STXBP5L: variants seen among roughly 807,000 people sequenced by gnomAD.
The protein encoded by STXBP5L is syntaxin binding protein 5L.
In STXBP5L, 65 loss-of-function variants were observed where a neutral mutation model predicts 144.5. The observed-to-expected ratio is 0.45, with a 90% CI of 0.37 to 0.55. The LOEUF (loss-of-function observed/expected upper bound fraction) is 0.55, where lower values mean the gene tolerates loss of function less well. Among genes scored for constraint, STXBP5L ranks in the 20% least tolerant of loss-of-function variants. The probability of loss-of-function intolerance (pLI) is 0.00; values close to 1 mark genes in which losing one functional copy is unlikely to be tolerated. For missense variants in STXBP5L, 1,298 were observed against 1,405.5 expected (o/e 0.92, Z 1.22); for synonymous variants, 505 against 469.6 (o/e 1.08, Z -0.97).
intron 2 of STXBP5L, among the ~76,000 whole-genome samples, chr3:120,937,917 T>C (rs971228762): frequency 1.3e-5 from 2 of 152,156 alleles, no homozygotes; most frequent in Non-Finnish European, 2.9e-5. Context: ...GTTTAACCTT[T>C]TAATTATATT....
chr3:121,282,412 A>G (rs2051091582), intron 19 of STXBP5L: 4 of 1,418,346 alleles, frequency 2.8e-6, no homozygotes, highest in Admixed American at 1.9e-5. Context: ...ATCAGTGCTC[A>G]GTAATGTGTT....
rs949012207 is a variant in STXBP5L, at chr3:120,989,712, G to T, written c.287+34675G>T. 3.9e-5 allele frequency among the ~76,000 whole-genome samples: 6 copies of T among 152,154 alleles called. No individual in the cohort carries two copies. In the East Asian group the frequency reaches 7.7e-4, roughly 20 times the overall value. On this transcript the variant is annotated intron_variant, in intron 3 of 26. Coordinates refer to ENST00000471454, the MANE Select transcript of STXBP5L (RefSeq NM_001308330.2). ...TACGTATTTTGAGGCTGTGTGGTTTGGTTTGCACTCATTTAGGATTGTTAT... is the reference window on the plus strand; with the variant it reads ...TACGTATTTTGAGGCTGTGTGGTTTTGTTTGCACTCATTTAGGATTGTTAT...
At chr3:120,998,499 A>T (rs1011841619) in intron 3 of STXBP5L, among the ~76,000 whole-genome samples, 5 of 152,086 alleles carry the variant, frequency 3.3e-5, no homozygotes, top group African/African-American at 9.7e-5. Flanking sequence ...CATCATCTAC[A>T]TTAGGTATTT....
chr3:120,981,407 G>A (rs1436702302), intron 3 of STXBP5L, among the ~76,000 whole-genome samples: 1 of 151,222 alleles, frequency 6.6e-6, no homozygotes, highest in Non-Finnish European at 1.5e-5. Context: ...AATTTTTTTT[G>A]TCTAACTGGG....
In STXBP5L at chr3:121,422,119, A is replaced by G. The variant is rs999477011; in HGVS notation, c.*3022A>G. On this transcript the variant is annotated 3_prime_UTR_variant, in exon 27 of 27. Transcript: ENST00000471454. ...GCACGCACGCACACACACACACACCATCGCCACCACTACCATCATCATCTT... is the reference window on the plus strand; with the variant it reads ...GCACGCACGCACACACACACACACCGTCGCCACCACTACCATCATCATCTT... The G allele has an allele frequency of 6.6e-6, 1 of 152,216 alleles. No individual in the cohort carries two copies. The highest frequency in any genetic ancestry group is 2.4e-5 in the African/African-American group (1 of 41,390). The allele number at this position is 152,216 out of a possible 1,614,324, so 9.4% of individuals were successfully genotyped here.
chr3:121,168,738 G>C (rs2046591294), intron 9 of STXBP5L, among the ~76,000 whole-genome samples: 1 of 152,156 alleles, frequency 6.6e-6, no homozygotes, highest in Non-Finnish European at 1.5e-5. Context: ...AAGTGAAGGA[G>C]AGTATGGAAC....
chr3:121,008,928 T>A lies in STXBP5L; in HGVS notation c.288-32772T>A, dbSNP rs899092596. On this transcript the variant is annotated intron_variant, in intron 3 of 26. Transcript: ENST00000471454. ...AATAGTTTCTTACGGTTTAATATAA[T>A]CAATTTTTTTTTTTTACCAAGTGGG... Among the ~76,000 whole-genome samples, 3 of 132,854 alleles carry A rather than the reference T, an allele frequency of 2.3e-5. No individual in the cohort carries two copies. In the Admixed American group the frequency reaches 2.5e-4, roughly 11 times the overall value. The allele number at this position is 132,854 out of a possible 152,430, so 87.2% of individuals were successfully genotyped here.
chr3:121,213,512 G>T (rs139894947), intron 10 of STXBP5L, among the ~76,000 whole-genome samples: 1 of 152,096 alleles, frequency 6.6e-6, no homozygotes, highest in Admixed American at 6.6e-5. Context: ...GATGGATTAC[G>T]TTTATTGATT....
chr3:121,277,233 T>A (rs2050912846), intron 18 of STXBP5L, among the ~76,000 whole-genome samples: 1 of 152,016 alleles, frequency 6.6e-6, no homozygotes, highest in African/African-American at 2.4e-5. Flanking sequence ...ATGGAAGGGG[T>A]GAGGCAGCTC....
At chr3:121,307,721 G>A (rs1388790054) in intron 19 of STXBP5L, among the ~76,000 whole-genome samples, 1 of 152,068 alleles carries the variant, frequency 6.6e-6, no homozygotes, top group Admixed American at 6.6e-5. Flanking sequence ...AGGATTAGCA[G>A]AAGGAGAGGA....
At chr3:120,983,684 G>A (rs1460667453) in intron 3 of STXBP5L, among the ~76,000 whole-genome samples, 2 of 152,160 alleles carry the variant, frequency 1.3e-5, no homozygotes, top group African/African-American at 4.8e-5. Flanking sequence ...ATCTATTATA[G>A]GAGTGTGGAG....
chr3:121,164,832 A>T (rs562752147), intron 9 of STXBP5L, among the ~76,000 whole-genome samples: 7 of 152,286 alleles, frequency 4.6e-5, no homozygotes, highest in South Asian at 4.1e-4. Context: ...AATTTTTTTT[A>T]AAAAGTCAAA....
intron 2 of STXBP5L, among the ~76,000 whole-genome samples, chr3:120,937,093 G>A (rs1418515989): frequency 1.3e-5 from 2 of 152,116 alleles, no homozygotes; most frequent in African/African-American, 4.8e-5. Context: ...GGAGATGGCT[G>A]GAGGTGGGCA....
chr3:120,965,490 G>C (rs191889830), intron 3 of STXBP5L, among the ~76,000 whole-genome samples: 1 of 152,176 alleles, frequency 6.6e-6, no homozygotes, highest in Non-Finnish European at 1.5e-5. Flanking sequence ...AAATTTCTGA[G>C]CATTTGCTTG....
chr3:121,236,078 C>T (rs564301148), intron 12 of STXBP5L, among the ~76,000 whole-genome samples: 11 of 152,228 alleles, frequency 7.2e-5, no homozygotes, highest in African/African-American at 2.6e-4. Context: ...TAAATAGCTA[C>T]AGGAATTTTA....
intron 22 of STXBP5L, among the ~76,000 whole-genome samples, chr3:121,399,337 C>G (rs1442083960): frequency 6.6e-6 from 1 of 152,174 alleles, no homozygotes; most frequent in East Asian, 1.9e-4. Flanking sequence ...ACCCTTCAAC[C>G]TGGATTCAAG....
At chr3:121,363,836 C>T (rs893115180) in intron 20 of STXBP5L, among the ~76,000 whole-genome samples, 2 of 151,998 alleles carry the variant, frequency 1.3e-5, no homozygotes, top group African/African-American at 2.4e-5. Context: ...TCTATTCTGC[C>T]ATCTTGCTAT....
chr3:121,212,172 C>A (rs938932142), intron 10 of STXBP5L, among the ~76,000 whole-genome samples: 41 of 152,138 alleles, frequency 2.7e-4, no homozygotes, highest in African/African-American at 9.4e-4. Flanking sequence ...GTTGCCTGTT[C>A]ACTCTCATGA....
At chr3:120,969,201 CTA>C (rs1343979259) in intron 3 of STXBP5L, among the ~76,000 whole-genome samples, 1 of 151,626 alleles carries the variant, frequency 6.6e-6, no homozygotes, top group Non-Finnish European at 1.5e-5. Context: ...ATGCCAACAT[CTA>C]TTTTTTTTTT....
Sources: gnomAD v4.1 joint callset for allele counts (sites outside exome capture counted in the v4.1 genomes callset) on GRCh38, gnomAD v4.1.1 for gene constraint, MANE v1.5 for transcripts, NCBI Gene and HGNC (gene_info 2026-07-23, HGNC 2026-07-21) for gene names.